Variants in NAALADL2 observed in about 807,000 individuals in gnomAD.
The protein encoded by NAALADL2 is inactive N-acetylated-alpha-linked acidic dipeptidase-like protein 2.
In NAALADL2, 76 loss-of-function variants were observed where a neutral mutation model predicts 87.2. That is an observed-to-expected ratio of 0.87 (90% confidence interval 0.72 to 1.05). The LOEUF is 1.05. NAALADL2 is among the 50% of genes least tolerant of loss of function. The pLI is 0.00. For missense variants in NAALADL2, 1,089 were observed against 945.8 expected (o/e 1.15, Z -1.99); for synonymous variants, 354 against 331.0 (o/e 1.07, Z -0.75).
chr3:175,350,513 A>G (rs1449982242), intron 5 of NAALADL2, among the ~76,000 whole-genome samples: 1 of 152,144 alleles, frequency 6.6e-6, no homozygotes, highest in Non-Finnish European at 1.5e-5. Flanking sequence ...CAGAGAGGCA[A>G]TTCCAGAAGG....
At chr3:174,530,123 A>G (rs1364678919) in intron 1 of NAALADL2, among the ~76,000 whole-genome samples, 3 of 152,170 alleles carry the variant, frequency 2.0e-5, no homozygotes, top group African/African-American at 7.2e-5. Flanking sequence ...GCCTTTAACA[A>G]CACACAAGTC....
At chr3:175,042,905 A>G (rs1213791402) in intron 1 of NAALADL2, among the ~76,000 whole-genome samples, 1 of 151,588 alleles carries the variant, frequency 6.6e-6, no homozygotes, top group Admixed American at 6.6e-5. Flanking sequence ...GTGAGTGCTC[A>G]CTCTATTAGT....
Position 175,803,206 on chromosome 3 carries a change from A to G in NAALADL2, c.*3A>G, listed in dbSNP as rs529033398. On this transcript the variant is annotated 3_prime_UTR_variant, in exon 14 of 14. Coordinates refer to ENST00000454872, the MANE Select transcript of NAALADL2 (RefSeq NM_207015.3). ...GTGTCTTGGATGGGAAGAATTGAGA[A>G]AACTCTGAGCATTTTTAAAAGTTTG... The G allele has an allele frequency of 3.4e-5, 54 of 1,587,454 alleles. 1 individual carries two copies. In the South Asian group the frequency reaches 5.6e-4, roughly 17 times the overall value.
chr3:175,073,480 A>G (rs936088090), intron 1 of NAALADL2, among the ~76,000 whole-genome samples: 6 of 152,096 alleles, frequency 3.9e-5, no homozygotes, highest in Non-Finnish European at 8.8e-5. Flanking sequence ...AAGAGAGGTT[A>G]CCACGGTTAC....
chr3:175,109,182 C>T (rs745943441), intron 2 of NAALADL2, among the ~76,000 whole-genome samples: 1 of 151,792 alleles, frequency 6.6e-6, no homozygotes, highest in Non-Finnish European at 1.5e-5. Flanking sequence ...AAGGTCAAAG[C>T]TATAAACTGT....
At chr3:174,750,159 A>G (rs2109035028) in intron 3 of NAALADL2, among the ~76,000 whole-genome samples, 1 of 152,280 alleles carries the variant, frequency 6.6e-6, no homozygotes, top group East Asian at 1.9e-4. Context: ...ACAGACTTTT[A>G]AAATGTTGTC....
intron 2 of NAALADL2, among the ~76,000 whole-genome samples, chr3:174,562,972 T>G (rs888381406): frequency 6.6e-6 from 1 of 152,162 alleles, no homozygotes; most frequent in Non-Finnish European, 1.5e-5. Context: ...GTTATATTTC[T>G]GGATGACTCA....
rs538610097 is a variant in NAALADL2 at position 174,860,026 on chromosome 3, T to C, written c.43+576T>C. On this transcript the variant is annotated intron_variant, in intron 1 of 13. Coordinates refer to ENST00000454872, the MANE Select transcript of NAALADL2 (RefSeq NM_207015.3). ...TTGTCCTTTGAAAGGACTGGCTTTG[T>C]TGACATTGGCTTGACTAGGCATCTC... Among the ~76,000 whole-genome samples the C allele has an allele frequency of 3.3e-5, 5 of 152,252 alleles. No homozygotes were observed. The East Asian group carries it at 9.7e-4, about 29-fold the overall frequency.
At chr3:175,532,794 G>T (rs941544592) in intron 9 of NAALADL2, among the ~76,000 whole-genome samples, 11 of 152,174 alleles carry the variant, frequency 7.2e-5, no homozygotes, top group African/African-American at 2.7e-4. Flanking sequence ...AGTGACTGTG[G>T]ATCCCACTGT....
intron 2 of NAALADL2, among the ~76,000 whole-genome samples, chr3:174,726,123 A>G (rs182447593): frequency 1.3e-5 from 2 of 152,298 alleles, no homozygotes; most frequent in East Asian, 3.9e-4. Context: ...CCAAGTCTCA[A>G]GTCTCAGTCA....
chr3:174,453,735 C>T (rs1409605403), intron 1 of NAALADL2, among the ~76,000 whole-genome samples: 1 of 152,134 alleles, frequency 6.6e-6, no homozygotes, highest in Non-Finnish European at 1.5e-5. Flanking sequence ...TATTGTCAGA[C>T]CTGCTTTACA....
intron 9 of NAALADL2, among the ~76,000 whole-genome samples, chr3:175,554,582 G>A (rs1714955773): frequency 6.6e-6 from 1 of 151,866 alleles, no homozygotes; most frequent in Non-Finnish European, 1.5e-5. Flanking sequence ...GGGTTACATG[G>A]GGGTACCTTC....
At chr3:174,933,231 C>T (rs141585333) in intron 1 of NAALADL2, among the ~76,000 whole-genome samples, 5 of 152,288 alleles carry the variant, frequency 3.3e-5, no homozygotes, top group Non-Finnish European at 5.9e-5. Context: ...GTAGCTTCTC[C>T]TTGAAGAGGG....
chr3:175,230,801 AGAAC>A (rs1744837480), intron 2 of NAALADL2, among the ~76,000 whole-genome samples: 1 of 152,130 alleles, frequency 6.6e-6, no homozygotes, highest in Admixed American at 6.6e-5. Context: ...TGGAGGAAGT[AGAAC>A]TGTCATAAAA....
At chr3:175,199,587 G>A (rs1334514950) in intron 2 of NAALADL2, among the ~76,000 whole-genome samples, 3 of 151,484 alleles carry the variant, frequency 2.0e-5, no homozygotes, top group Admixed American at 6.6e-5. Flanking sequence ...TATTTGTTAC[G>A]TGAATGACTG....
At chr3:175,234,726 A>AAT (rs2109499201) in intron 3 of NAALADL2, 1 of 78,574 alleles carries the variant, frequency 1.3e-5, no homozygotes, top group East Asian at 3.7e-4. Flanking sequence ...TTTATGATGC[A>AAT]GTTTTTTTTT....
chr3:175,600,369 T>C (rs1722789919), intron 10 of NAALADL2, among the ~76,000 whole-genome samples: 1 of 151,900 alleles, frequency 6.6e-6, no homozygotes, highest in African/African-American at 2.4e-5. Context: ...AGGTATAAAC[T>C]ATCAGTGAAA....
chr3:174,694,191 T>C (rs917803112), intron 2 of NAALADL2, among the ~76,000 whole-genome samples: 2 of 152,102 alleles, frequency 1.3e-5, no homozygotes, highest in African/African-American at 4.8e-5. Context: ...TCATACCACA[T>C]TGAGTCAGAA....
intron 10 of NAALADL2, among the ~76,000 whole-genome samples, chr3:175,600,769 C>A (rs990990206): frequency 6.6e-6 from 1 of 151,750 alleles, no homozygotes; most frequent in African/African-American, 2.4e-5. Context: ...GATCTCCTGA[C>A]CTCGTGATCC....
Sources: gnomAD v4.1 joint callset for allele counts (sites outside exome capture counted in the v4.1 genomes callset) on GRCh38, gnomAD v4.1.1 for gene constraint, MANE v1.5 for transcripts, NCBI Gene and HGNC (gene_info 2026-07-23, HGNC 2026-07-21) for gene names.